Variants in CAPN13 observed in about 807,000 individuals in gnomAD.
The protein encoded by CAPN13 is calpain-13.
In CAPN13, 90 loss-of-function variants were observed where a neutral mutation model predicts 98.4. The observed-to-expected ratio is 0.92, with a 90% CI of 0.77 to 1.09. CAPN13 has a LOEUF of 1.09. Ranked by LOEUF, CAPN13 falls within the 50% of genes least tolerant of loss-of-function variation. The pLI, the probability that CAPN13 is intolerant of heterozygous loss-of-function variation, is 0.00. For synonymous variants in CAPN13, 330 were observed against 305.5 expected (o/e 1.08, Z -0.84); for missense variants, 887 against 841.3 (o/e 1.05, Z -0.67).
intron 15 of CAPN13, among the ~76,000 whole-genome samples, chr2:30,740,500 A>G (rs537214322): frequency 2.2e-4 from 34 of 152,360 alleles, no homozygotes; most frequent in Non-Finnish European, 4.7e-4. Context: ...TGGAGGACAC[A>G]GACCCTGAGG....
intron 4 of CAPN13, among the ~76,000 whole-genome samples, chr2:30,774,037 G>T (rs1008054335): frequency 6.6e-6 from 1 of 152,104 alleles, no homozygotes; most frequent in East Asian, 1.9e-4. Context: ...GCAACTAAAA[G>T]ATTATCCCTT....
Position 30,738,059 on chromosome 2 carries a change from C to G in CAPN13, c.1653+176G>C, listed in dbSNP as rs1384286274. 1.0e-5 allele frequency: 7 copies of G among 674,358 alleles called. No homozygotes were observed. The East Asian group carries it at 1.9e-4, about 19-fold the overall frequency. The allele number at this position is 674,358 out of a possible 1,614,324, so 41.8% of individuals were successfully genotyped here. On this transcript the variant is annotated intron_variant, in intron 17 of 22. Coordinates refer to ENST00000295055, the MANE Select transcript of CAPN13 (RefSeq NM_144575.3). ...GTGCTTGATAGATGGTAACTATTAT[C>G]ATTGTTGCTGTGGTATGTTAGTGAG...
intron 11 of CAPN13, chr2:30,746,697 G>A (rs540641083): frequency 1.6e-4 from 30 of 182,328 alleles, no homozygotes; most frequent in Non-Finnish European, 1.3e-4. Context: ...AGTGGAACAC[G>A]TTCCTCTTCC....
intron 1 of CAPN13, among the ~76,000 whole-genome samples, chr2:30,790,666 G>A (rs966197416): frequency 6.6e-6 from 1 of 152,144 alleles, no homozygotes; most frequent in Non-Finnish European, 1.5e-5. Flanking sequence ...CCAACCGAGG[G>A]GCTTAACTGC....
intron 1 of CAPN13, among the ~76,000 whole-genome samples, chr2:30,805,550 G>A (rs1204903048): frequency 6.6e-6 from 1 of 152,050 alleles, no homozygotes; most frequent in East Asian, 1.9e-4. Flanking sequence ...GTACTGCTAA[G>A]TGCTTTCCAT....
intron 5 of CAPN13, among the ~76,000 whole-genome samples, chr2:30,765,446 G>A (rs1056725965): frequency 1.1e-4 from 16 of 152,204 alleles, no homozygotes; most frequent in African/African-American, 3.9e-4. Flanking sequence ...CAGGGTAGAA[G>A]GCAGTGGAGG....
At chr2:30,778,170 G>T (rs1176808533) in intron 2 of CAPN13, among the ~76,000 whole-genome samples, 1 of 152,174 alleles carries the variant, frequency 6.6e-6, no homozygotes, top group Non-Finnish European at 1.5e-5. Flanking sequence ...CACTCCCTGG[G>T]TAACTCACAG....
At chr2:30,744,620 C>T (rs1671817307) in intron 12 of CAPN13, among the ~76,000 whole-genome samples, 1 of 152,212 alleles carries the variant, frequency 6.6e-6, no homozygotes, top group Middle Eastern at 3.4e-3. Flanking sequence ...CCCTGCTCAC[C>T]CGTTATCTTG....
chr2:30,805,482 G>A (rs1675557114), intron 1 of CAPN13, among the ~76,000 whole-genome samples: 1 of 152,088 alleles, frequency 6.6e-6, no homozygotes, highest in African/African-American at 2.4e-5. Context: ...GAGAACCCAG[G>A]CTAAAATAAT....
At chr2:30,803,168 G>A (rs1465253802) in intron 1 of CAPN13, among the ~76,000 whole-genome samples, 1 of 152,244 alleles carries the variant, frequency 6.6e-6, no homozygotes, top group Non-Finnish European at 1.5e-5. Flanking sequence ...GTCTGGTTAA[G>A]GATTAGAGTG....
chr2:30,783,391 G>T (rs189744846), intron 2 of CAPN13, among the ~76,000 whole-genome samples: 104 of 152,258 alleles, frequency 6.8e-4, no homozygotes, highest in African/African-American at 2.4e-3. Flanking sequence ...GGCTGGGGGA[G>T]GGGGAGGGCT....
At chr2:30,725,427 A>G (rs1279117031) in intron 22 of CAPN13, among the ~76,000 whole-genome samples, 3 of 152,154 alleles carry the variant, frequency 2.0e-5, no homozygotes, top group African/African-American at 7.2e-5. Flanking sequence ...AAGATGAGCC[A>G]GAGAGAGGAA....
intron 5 of CAPN13, among the ~76,000 whole-genome samples, chr2:30,769,141 C>T (rs548802329): frequency 3.3e-5 from 5 of 152,314 alleles, no homozygotes; most frequent in Non-Finnish European, 7.4e-5. Context: ...GAAGTGTACC[C>T]ACCCATTGTA....
chr2:30,801,604 T>TAA lies in CAPN13; in HGVS notation c.-33+5696_-33+5697dup, dbSNP rs10609363. 7.1e-4 allele frequency among the ~76,000 whole-genome samples: 57 copies of TAA among 79,924 alleles called. 1 individual carries two copies. Among genetic ancestry groups the TAA allele is most frequent in the East Asian group, 3.5e-3 (10 of 2,892 alleles). 52.4% of individuals were successfully genotyped at this position (79,924 alleles called of 152,430 possible). Reference sequence around the variant, plus strand: ...TGGGTGATAGAGGGAGACTCAGTCTTAAAAAAAAAAAAAAAAAAAAAAAGA... The same window carrying TAA: ...TGGGTGATAGAGGGAGACTCAGTCTTAAAAAAAAAAAAAAAAAAAAAAAAAGA... On this transcript the variant is annotated intron_variant, in intron 1 of 22. Transcript: ENST00000295055.
intron 5 of CAPN13, among the ~76,000 whole-genome samples, chr2:30,769,087 C>A (rs1427396612): frequency 6.6e-6 from 1 of 152,168 alleles, no homozygotes; most frequent in Non-Finnish European, 1.5e-5. Flanking sequence ...AGTCACAGTG[C>A]ACAGATGGGA....
chr2:30,736,888 G>A (rs1030242488), intron 17 of CAPN13, among the ~76,000 whole-genome samples: 2 of 152,196 alleles, frequency 1.3e-5, no homozygotes, highest in African/African-American at 4.8e-5. Context: ...TCCAGAAGTT[G>A]GGGAGGAGCA....
At chr2:30,800,918 C>T (rs781555849) in intron 1 of CAPN13, among the ~76,000 whole-genome samples, 8 of 152,276 alleles carry the variant, frequency 5.3e-5, no homozygotes, top group Non-Finnish European at 1.0e-4. Flanking sequence ...CTCAGAAACA[C>T]TGTGTAATAT....
chr2:30,741,413 T>C (rs889983775), intron 15 of CAPN13: 52 of 989,342 alleles, frequency 5.3e-5, no homozygotes, highest in Non-Finnish European at 5.9e-5. Flanking sequence ...CCCTGGCAGC[T>C]ATTTTATTCT....
At position 30,732,489 on chromosome 2, in the gene CAPN13, C is replaced by T. The variant is rs760535738; in HGVS notation, c.1876G>A (p.Val626Ile). The T allele has an allele frequency of 1.9e-6, 3 of 1,613,332 alleles. No homozygotes were observed. The highest frequency in any genetic ancestry group is 2.5e-6 in the Non-Finnish European group (3 of 1,179,660). ...TLRYSDSVGR[V>I]SFPSLVCFLM... ...AAGCAGACCAGGCTGGGGAAGCTGACCCTGCCGACGCTGTCGCTGTACCTG... is the reference window on the plus strand; with the variant it reads ...AAGCAGACCAGGCTGGGGAAGCTGATCCTGCCGACGCTGTCGCTGTACCTG... The change falls in exon 20 of 23, where the codon GTC (valine) becomes ATC (isoleucine). Residue 626 changes from valine to isoleucine, a missense_variant. Physicochemically the swap from Val to Ile is conservative, Grantham distance 29 (BLOSUM62 3). Coordinates refer to ENST00000295055, the MANE Select transcript of CAPN13 (RefSeq NM_144575.3).
Sources: allele counts gnomAD v4.1 joint callset (sites outside exome capture counted in the v4.1 genomes callset), GRCh38; gene constraint gnomAD v4.1.1; transcripts MANE v1.5; gene names NCBI Gene and HGNC (gene_info 2026-07-23, HGNC 2026-07-21).